The following ATG7 variants were observed in gnomAD, a reference collection of about 807,000 sequenced individuals.
ATG7 encodes ubiquitin-like modifier-activating enzyme ATG7.
In ATG7, 70 loss-of-function variants were observed where a neutral mutation model predicts 82.4. That is an observed-to-expected ratio of 0.85 (90% CI 0.70 to 1.04). ATG7 has a LOEUF of 1.04. Among genes scored for constraint, ATG7 ranks in the 50% least tolerant of loss-of-function variants. ATG7 has a pLI of 0.00. For synonymous variants in ATG7, 287 were observed against 313.0 expected (o/e 0.92, Z 0.88); for missense variants, 792 against 864.3 (o/e 0.92, Z 1.05).
intron 20 of ATG7, among the ~76,000 whole-genome samples, chr3:11,501,891 T>C (rs2091353098): frequency 6.6e-6 from 1 of 152,146 alleles, no homozygotes; most frequent in Non-Finnish European, 1.5e-5. Flanking sequence ...GGTTTCACCA[T>C]GTTGGCCAGG....
rs527617857 is a variant in ATG7 at position 11,408,420 on chromosome 3, A to G, written c.1957-18384A>G. On this transcript the variant is annotated intron_variant, in intron 19 of 20. Coordinates refer to ENST00000693202, the MANE Select transcript of ATG7 (RefSeq NM_001349232.2). ...CTTCTGAGCCCTCCAAACTGTTCCA[A>G]CCTCTGCCTGTTACCCAGTTCCATA... Among the ~76,000 whole-genome samples, 5 of 151,790 alleles carry G rather than the reference A, an allele frequency of 3.3e-5. 1 individual carries two copies. Among genetic ancestry groups the G allele is most frequent in the East Asian group, 1.9e-4 (1 of 5,174 alleles).
intron 1 of ATG7, among the ~76,000 whole-genome samples, chr3:11,273,361 C>T (rs991356986): frequency 1.3e-5 from 2 of 152,172 alleles, no homozygotes; most frequent in Non-Finnish European, 2.9e-5. Flanking sequence ...CTGTTTGGTC[C>T]TCCCCCAGTT....
At chr3:11,367,795 C>T (rs1308426101) in intron 18 of ATG7, among the ~76,000 whole-genome samples, 9 of 145,868 alleles carry the variant, frequency 6.2e-5, no homozygotes, top group African/African-American at 2.0e-4. Flanking sequence ...GCCCAATGTA[C>T]GTGGATTAGA....
chr3:11,573,292 AAAGAAAGAAAGAAAGG>A, the ATG7 span, among the ~76,000 whole-genome samples: 11 of 11,028 alleles, frequency 1.0e-3, no homozygotes, highest in Admixed American at 7.9e-3. Context: ...AGAAAGAAAG[AAAGAAAGAAAGAAAGG>A]AAGGAAGGAA....
At chr3:11,367,758 G>GT (rs112564113) in intron 18 of ATG7, among the ~76,000 whole-genome samples, 2,537 of 135,312 alleles carry the variant, frequency 0.019, 23 homozygotes, top group Non-Finnish European at 0.022. Context: ...TTTGTTTTGG[G>GT]TTTTTTTTTT....
At position 11,556,794 on chromosome 3, in the gene ATG7, C is replaced by T. The variant is rs530422684; in HGVS notation, c.*1951C>T. On this transcript the variant is annotated 3_prime_UTR_variant, in exon 21 of 21. Transcript: ENST00000693202. ...CACCCATATAGAAAAGTGTTCTCAA[C>T]GATTTTTCCTACAGAAAATATAGGG... is the stretch of plus-strand genomic sequence containing the variant. The T allele has an allele frequency of 5.4e-4, 83 of 152,856 alleles. No individual in the cohort carries two copies. The highest frequency in any genetic ancestry group is 1.7e-3 in the African/African-American group (69 of 41,544). The allele number at this position is 152,856 out of a possible 1,614,324, so 9.5% of individuals were successfully genotyped here.
chr3:11,456,131 C>G (rs543016336), intron 20 of ATG7, among the ~76,000 whole-genome samples: 1 of 152,326 alleles, frequency 6.6e-6, no homozygotes, highest in African/African-American at 2.4e-5. Flanking sequence ...AGTCATCTCT[C>G]AGTTCCCCTC....
intron 20 of ATG7, among the ~76,000 whole-genome samples, chr3:11,507,316 A>G (rs2091788895): frequency 6.6e-6 from 1 of 152,228 alleles, no homozygotes; most frequent in African/African-American, 2.4e-5. Flanking sequence ...TTAAATGTGT[A>G]AAATAAAACA....
At chr3:11,295,104 T>G (rs1271179586) in intron 3 of ATG7, among the ~76,000 whole-genome samples, 1 of 152,098 alleles carries the variant, frequency 6.6e-6, no homozygotes, top group African/African-American at 2.4e-5. Context: ...AGAGCAAGAC[T>G]CTGTCTCAGA....
chr3:11,559,212 T>C, downstream of ATG7: 1 of 1,421,960 alleles, frequency 7.0e-7, no homozygotes, highest in Non-Finnish European at 9.2e-7. Flanking sequence ...CAAGAAATAC[T>C]TTTTCAACCT....
At chr3:11,367,809 T>C (rs2076728681) in intron 18 of ATG7, among the ~76,000 whole-genome samples, 1 of 151,708 alleles carries the variant, frequency 6.6e-6, no homozygotes, top group African/African-American at 2.4e-5. Context: ...GATTAGATTC[T>C]GCAAGCAGGC....
chr3:11,471,399 C>T (rs2087504171), intron 20 of ATG7, among the ~76,000 whole-genome samples: 1 of 152,136 alleles, frequency 6.6e-6, no homozygotes, highest in Admixed American at 6.5e-5. Flanking sequence ...GTGTGAGCTC[C>T]TTGAGAAAAA....
At chr3:11,548,720 G>A (rs2071507055) in intron 20 of ATG7, among the ~76,000 whole-genome samples, 1 of 152,174 alleles carries the variant, frequency 6.6e-6, no homozygotes, top group Admixed American at 6.5e-5. Context: ...GTGTTTCAGG[G>A]CCACAGTAGT....
intron 20 of ATG7, among the ~76,000 whole-genome samples, chr3:11,528,047 C>T (rs1575200957): frequency 6.6e-6 from 1 of 152,244 alleles, no homozygotes; most frequent in African/African-American, 2.4e-5. Flanking sequence ...ACGTGTGGTC[C>T]CTTCTGCTTC....
intron 19 of ATG7, among the ~76,000 whole-genome samples, chr3:11,407,449 G>A (rs2080452369): frequency 6.6e-6 from 1 of 152,182 alleles, no homozygotes; most frequent in South Asian, 2.1e-4. Flanking sequence ...CTATCATTCT[G>A]AGGTCTAGAG....
chr3:11,574,593 G>C, the ATG7 span, among the ~76,000 whole-genome samples: 2 of 152,146 alleles, frequency 1.3e-5, no homozygotes, highest in African/African-American at 4.8e-5. Context: ...GACCACTGTA[G>C]GGTGACTGCA....
intron 20 of ATG7, among the ~76,000 whole-genome samples, chr3:11,442,897 G>A (rs1470230225): frequency 4.6e-5 from 7 of 151,920 alleles, no homozygotes; most frequent in Non-Finnish European, 1.0e-4. Flanking sequence ...CTCCAGCCTG[G>A]GCCACAAAGC....
intron 19 of ATG7, among the ~76,000 whole-genome samples, chr3:11,394,242 CAAG>C (rs1161163223): frequency 1.3e-5 from 2 of 152,020 alleles, no homozygotes; most frequent in African/African-American, 4.8e-5. Context: ...CAGTTATTGC[CAAG>C]GTAAGACCAT....
chr3:11,573,337 AAGAAAGAAAGAAAGAAAGAAAG>A, the ATG7 span, among the ~76,000 whole-genome samples: 1 of 83,804 alleles, frequency 1.2e-5, no homozygotes, highest in African/African-American at 4.2e-5. Flanking sequence ...GAAAGAAAGA[AAGAAAGAAAGAAAGAAAGAAAG>A]AAAGAAAGAA....
Sources: allele counts gnomAD v4.1 joint callset (sites outside exome capture counted in the v4.1 genomes callset), GRCh38; gene constraint gnomAD v4.1.1; transcripts MANE v1.5; gene names NCBI Gene and HGNC (gene_info 2026-07-23, HGNC 2026-07-21).